Variants in NEK3 observed in about 807,000 individuals in gnomAD.
NEK3 encodes serine/threonine-protein kinase Nek3.
Under a neutral mutation model 66.0 loss-of-function variants are expected in NEK3, and 54 were observed. That is an observed-to-expected ratio of 0.82 (90% CI 0.66 to 1.03). The LOEUF (loss-of-function observed/expected upper bound fraction) is 1.03. Among genes scored for constraint, NEK3 ranks in the 50% least tolerant of loss-of-function variants. The probability of loss-of-function intolerance (pLI) is 0.00; values close to 1 mark genes in which losing one functional copy is unlikely to be tolerated. For missense variants in NEK3, 593 were observed against 603.0 expected (o/e 0.98, Z 0.17); for synonymous variants, 200 against 206.2 (o/e 0.97, Z 0.26).
intron 11 of NEK3, among the ~76,000 whole-genome samples, chr13:52,138,787 C>T (rs748866175): frequency 5.3e-5 from 8 of 151,942 alleles, no homozygotes; most frequent in East Asian, 3.9e-4. Context: ...AAAAATTATC[C>T]GGGCATGGTG....
At chr13:52,153,595 C>A (rs572960451) in intron 4 of NEK3, among the ~76,000 whole-genome samples, 5 of 152,058 alleles carry the variant, frequency 3.3e-5, no homozygotes, top group Non-Finnish European at 7.4e-5. Context: ...AATTTCAGTA[C>A]GATAAAAACC....
intron 5 of NEK3, among the ~76,000 whole-genome samples, chr13:52,152,280 A>G (rs2138209590): frequency 6.6e-6 from 1 of 152,340 alleles, no homozygotes; most frequent in East Asian, 1.9e-4. Flanking sequence ...AGAATACTTA[A>G]AAAGTGCTGA....
rs1165677889 is a variant in NEK3, at chr13:52,135,794, A to C, written c.1244T>G (p.Leu415Trp). Residue 415 changes from leucine to tryptophan, a missense_variant, in exon 14 of 16, where the codon TTG becomes TGG. Transcript: ENST00000610828. ...KQWLKETPDTLLNILKNADLS... is the reference protein window; with the variant it reads ...KQWLKETPDTWLNILKNADLS... ...ATCAGCATTCTTAAGGATGTTCAAC[A>C]AAGTGTCAGGGGTCTCTTTGAGCCA... is the stretch of plus-strand genomic sequence containing the variant. 3 of 1,613,788 alleles carry C rather than the reference A, an allele frequency of 1.9e-6. No individual in the cohort carries two copies. The highest frequency in any genetic ancestry group is 2.5e-6 in the Non-Finnish European group (3 of 1,179,726).
Position 52,152,690 on chromosome 13 carries a change from T to C in NEK3, c.312A>G (p.Ile104Met), listed in dbSNP as rs1157917498. 1 of 1,605,294 alleles carries C rather than the reference T, an allele frequency of 6.2e-7. No individual in the cohort carries two copies. Among genetic ancestry groups the C allele is most frequent in the Non-Finnish European group, 8.5e-7 (1 of 1,174,128 alleles). ...GGCACATTTGGGTAAACCAATTAAGTATCTGTAAGAAAAAGGTATGCAAAA... is the reference window on the plus strand; with the variant it reads ...GGCACATTTGGGTAAACCAATTAAGCATCTGTAAGAAAAAGGTATGCAAAA... The part of the protein sequence containing the change: ...QKGKLFPEDM[I>M]LNWFTQMCLG... The change falls in exon 5 of 16, where the codon ATA becomes ATG. Residue 104 changes from isoleucine to methionine, a missense_variant and splice_region_variant. By Grantham distance (10) the Ile-to-Met change is conservative. Transcript: ENST00000610828.
intron 1 of NEK3, among the ~76,000 whole-genome samples, chr13:52,158,413 T>A (rs1450002534): frequency 1.3e-5 from 2 of 152,182 alleles, no homozygotes; most frequent in African/African-American, 4.8e-5. Flanking sequence ...GTCTTTTGAG[T>A]GTATATAGAT....
intron 12 of NEK3, 136 bp from the exon 13 acceptor site, chr13:52,136,395 T>A: frequency 5.4e-6 from 5 of 924,736 alleles, no homozygotes; most frequent in Non-Finnish European, 6.2e-6. Context: ...AAGATCAATG[T>A]TCTTTCTAAT....
chr13:52,136,335 A>G (rs1956206197), intron 12 of NEK3, 76 bp from the exon 13 acceptor site: 1 of 1,384,512 alleles, frequency 7.2e-7, no homozygotes, highest in Admixed American at 2.1e-5. Context: ...ATAGACTCTA[A>G]CAAATATGGA....
intron 4 of NEK3, among the ~76,000 whole-genome samples, chr13:52,153,596 G>A (rs959066868): frequency 3.3e-5 from 5 of 152,094 alleles, no homozygotes; most frequent in African/African-American, 9.6e-5. Flanking sequence ...ATTTCAGTAC[G>A]ATAAAAACCA....
At chr13:52,154,257 T>C in intron 2 of NEK3, 84 bp from the exon 3 acceptor site, 1 of 824,380 alleles carries the variant, frequency 1.2e-6, no homozygotes. Flanking sequence ...TATATGACAC[T>C]TTAATGCTAG....
Position 52,151,229 on chromosome 13 carries a change from C to G in NEK3, c.465G>C (p.Pro155=). The G allele has an allele frequency of 1.9e-6, 3 of 1,606,868 alleles. No homozygotes were observed. Among genetic ancestry groups the G allele is most frequent in the Non-Finnish European group, 2.5e-6 (3 of 1,176,618 alleles). The change falls in exon 7 of 16, where the codon CCG becomes CCC. Residue 155 remains proline (P), a synonymous_variant. Transcript: ENST00000610828. ...DFGSARLLSN[P]MAFACTYVGT... is the part of the protein sequence containing the mutation. ...CCACATAGGTACAAGCAAATGCCAT[C>G]GGACTAAAACCATAAAAAGGCAACG...
chr13:52,137,085 CAT>C (rs1382311133), intron 11 of NEK3, among the ~76,000 whole-genome samples, 183 bp from the exon 12 acceptor site: 6 of 151,824 alleles, frequency 4.0e-5, no homozygotes, highest in Non-Finnish European at 7.4e-5. Context: ...TATTTAATAA[CAT>C]ATATATGTAC....
intron 13 of NEK3, 68 bp from the exon 14 acceptor site, chr13:52,135,931 A>T (rs1956201668): frequency 6.4e-7 from 1 of 1,550,754 alleles, no homozygotes; most frequent in African/African-American, 1.4e-5. Context: ...TTTCCAGATC[A>T]TATTTTCAAG....
intron 1 of NEK3, among the ~76,000 whole-genome samples, chr13:52,157,989 T>A (rs1028505236): frequency 6.6e-6 from 1 of 152,220 alleles, no homozygotes; most frequent in Non-Finnish European, 1.5e-5. Flanking sequence ...GTGATTCTCC[T>A]GCCTCAGCCT....
intron 5 of NEK3, 140 bp from the exon 6 acceptor site, chr13:52,151,532 C>T (rs1241392565): frequency 7.2e-6 from 5 of 697,506 alleles, no homozygotes; most frequent in Admixed American, 2.5e-5. Context: ...ACACAAAACA[C>T]CAAGATCCCC....
At chr13:52,136,315 C>A in intron 12 of NEK3, 56 bp from the exon 13 acceptor site, 1 of 1,550,856 alleles carries the variant, frequency 6.4e-7, no homozygotes, top group African/African-American at 1.4e-5. Flanking sequence ...GTATCCATCT[C>A]TGTCCACACA....
rs767298589 is a variant in NEK3 at position 52,136,152 on chromosome 13, T to C, written c.1138A>G (p.Ile380Val). The C allele has an allele frequency of 1.9e-6, 3 of 1,613,768 alleles. No homozygotes were observed. Among genetic ancestry groups the C allele is most frequent in the Non-Finnish European group, 2.5e-6 (3 of 1,179,714 alleles). The part of the protein sequence containing the change: ...TALTALENAS[I>V]LTSSLTAEDD... Reference sequence around the variant, plus strand: ...TCTGCTGTTAAACTGGAGGTGAGTATGGATGCATTTTCCAAAGCTGTAAGA... The same window carrying C: ...TCTGCTGTTAAACTGGAGGTGAGTACGGATGCATTTTCCAAAGCTGTAAGA... The change falls in exon 13 of 16, where the codon ATA (isoleucine) becomes GTA (valine). Residue 380 changes from isoleucine (I) to valine (V), a missense_variant. Ile to Val is a conservative substitution (Grantham distance 29, BLOSUM62 3). Coordinates refer to ENST00000610828, the MANE Select transcript of NEK3 (RefSeq NM_002498.3).
chr13:52,147,368 C>T (rs901504392), intron 8 of NEK3, among the ~76,000 whole-genome samples: 1 of 152,232 alleles, frequency 6.6e-6, no homozygotes, highest in South Asian at 2.1e-4. Context: ...AAGACAGAAA[C>T]GACCCAAGTG....
chr13:52,154,967 AAAAG>A (rs1177107881), intron 2 of NEK3, among the ~76,000 whole-genome samples: 5 of 151,600 alleles, frequency 3.3e-5, no homozygotes, highest in African/African-American at 9.7e-5. Context: ...TAAATTTTAA[AAAAG>A]AAAGAAAAGA....
chr13:52,151,165 G>A lies in NEK3; in HGVS notation c.529C>T (p.Leu177=), dbSNP rs2138208056. The stretch of plus-strand genomic sequence containing the variant: ...ACTCACCTTTTATTGTTATAAGGCA[G>A]GTTTTCCCAAATTTCTGGAGGCACA... The part of the protein sequence containing the change: ...YYVPPEIWEN[L]PYNNKSDIWS... The change falls in exon 7 of 16, where the codon CTG becomes TTG. Residue 177 remains leucine, a synonymous_variant. Coordinates refer to ENST00000610828, the MANE Select transcript of NEK3 (RefSeq NM_002498.3). 1.2e-6 allele frequency: 2 copies of A among 1,609,042 alleles called. No individual in the cohort carries two copies. Among genetic ancestry groups the A allele is most frequent in the East Asian group, 2.2e-5 (1 of 44,808 alleles).
Sources: allele counts gnomAD v4.1 joint callset (sites outside exome capture counted in the v4.1 genomes callset), GRCh38; gene constraint gnomAD v4.1.1; transcripts MANE v1.5; gene names NCBI Gene and HGNC (gene_info 2026-07-23, HGNC 2026-07-21).